SLC25A18: variants seen among roughly 807,000 people sequenced by gnomAD.
The protein encoded by SLC25A18 is mitochondrial glutamate carrier 2.
SLC25A18 carries 24 observed loss-of-function variants against 31.1 expected under a neutral mutation model. That is an observed-to-expected ratio of 0.77 (90% CI 0.56 to 1.08). The LOEUF (loss-of-function observed/expected upper bound fraction) is 1.08. Among genes scored for constraint, SLC25A18 ranks in the 50% least tolerant of loss-of-function variants. SLC25A18 has a pLI of 0.00. For missense variants in SLC25A18, 371 were observed against 418.5 expected, an observed-to-expected ratio of 0.89 and a Z score of 0.99; for synonymous variants, 173 against 161.9, an observed-to-expected ratio of 1.07 and a Z score of -0.52.
intron 7 of SLC25A18, among the ~76,000 whole-genome samples, chr22:17,584,446 G>GGAAAGA (rs1205165235): frequency 2.6e-5 from 3 of 116,824 alleles, no homozygotes; most frequent in African/African-American, 1.0e-4. Flanking sequence ...AAGGAAGGAA[G>GGAAAGA]GAGAGAGAGA....
chr22:17,564,109 G>A (rs566976301), intron 1 of SLC25A18, among the ~76,000 whole-genome samples: 4 of 152,246 alleles, frequency 2.6e-5, no homozygotes, highest in African/African-American at 4.8e-5. Context: ...ACTCTAAGAC[G>A]AAGACTGTGT....
intron 1 of SLC25A18, among the ~76,000 whole-genome samples, chr22:17,565,736 G>T (rs2056919996): frequency 6.6e-6 from 1 of 152,076 alleles, no homozygotes; most frequent in Non-Finnish European, 1.5e-5. Context: ...GCATGATGGG[G>T]CATGCCTGTA....
chr22:17,581,580 T>C (rs2057375285), intron 5 of SLC25A18, 167 bp downstream of exon 5: 3 of 706,484 alleles, frequency 4.2e-6, no homozygotes, highest in East Asian at 2.7e-5. Context: ...CTCTGGGTCC[T>C]GGTAAGGCTT....
chr22:17,575,374 T>C (rs1405029266), intron 2 of SLC25A18, among the ~76,000 whole-genome samples: 1 of 152,202 alleles, frequency 6.6e-6, no homozygotes, highest in African/African-American at 2.4e-5. Flanking sequence ...GAGACCCTTT[T>C]TGTGGTCAAG....
At position 17,581,033 on chromosome 22, in the gene SLC25A18, C is replaced by A; in HGVS notation, c.21-4C>A. Reference sequence around the variant, plus strand: ...CTCCTCCCCCTGTCCTCCCCCTGTCCTAGCATCACAGCCAAACTCATCAAT... The same window carrying A: ...CTCCTCCCCCTGTCCTCCCCCTGTCATAGCATCACAGCCAAACTCATCAAT... On this transcript the variant is annotated splice_polypyrimidine_tract_variant and splice_region_variant and intron_variant, in intron 3 of 10. Transcript: ENST00000327451. The A allele has an allele frequency of 6.5e-7, 1 of 1,547,976 alleles. No homozygotes were observed. The highest frequency in any genetic ancestry group is 8.7e-7 in the Non-Finnish European group (1 of 1,144,726).
At chr22:17,573,765 G>A in intron 2 of SLC25A18, among the ~76,000 whole-genome samples, 1 of 152,036 alleles carries the variant, frequency 6.6e-6, no homozygotes, top group Admixed American at 6.6e-5. Context: ...AGTCACCAAG[G>A]CTCTCTACAA....
At chr22:17,586,100 A>G (rs2057542600) in intron 7 of SLC25A18, among the ~76,000 whole-genome samples, 1 of 152,218 alleles carries the variant, frequency 6.6e-6, no homozygotes, top group Admixed American at 6.5e-5. Flanking sequence ...TTGGAGGACG[A>G]GCAGGAGGAG....
rs971296548 is a variant in SLC25A18, at chr22:17,587,363, C to A, written c.575+62C>A. The A allele has an allele frequency of 4.3e-5, 66 of 1,529,702 alleles. 1 individual carries two copies. In the African/African-American group the frequency reaches 7.3e-4, roughly 17 times the overall value. The allele number at this position is 1,529,702 out of a possible 1,614,324, so 94.8% of individuals were successfully genotyped here. A position where few individuals can be genotyped will look rare whatever the true frequency, so the allele number is the denominator to read the frequency against. On this transcript the variant is annotated intron_variant, in intron 8 of 10. Coordinates refer to ENST00000327451, the MANE Select transcript of SLC25A18 (RefSeq NM_031481.3). The stretch of plus-strand genomic sequence containing the variant: ...GGGGGAGGGCACGAGGGCCAGAGAG[C>A]TGGTTGTCCCTATCTGCCTCTGTGT...
chr22:17,590,065 A>G (rs1210794436), intron 10 of SLC25A18, 30 bp from the exon 11 acceptor site: 1 of 1,612,862 alleles, frequency 6.2e-7, no homozygotes, highest in Non-Finnish European at 8.5e-7. Flanking sequence ...GCCCCTGCCC[A>G]TCAGCTCACT....
chr22:17,583,564 C>G (rs767012834), intron 7 of SLC25A18, 30 bp downstream of exon 7: 2 of 1,608,514 alleles, frequency 1.2e-6, no homozygotes, highest in Non-Finnish European at 1.7e-6. Flanking sequence ...CCTATGGGAA[C>G]AGTAAAGGGC....
intron 2 of SLC25A18, among the ~76,000 whole-genome samples, chr22:17,574,538 A>G (rs1170257178): frequency 2.8e-5 from 4 of 142,200 alleles, no homozygotes; most frequent in African/African-American, 1.1e-4. Context: ...TTTTTTTGAG[A>G]TGGAGTCTTG....
At chr22:17,563,770 A>T in intron 1 of SLC25A18, 57 bp downstream of exon 1, 1 of 957,412 alleles carries the variant, frequency 1.0e-6, no homozygotes, top group Non-Finnish European at 1.2e-6. Flanking sequence ...TTACTAAGAA[A>T]CCAAAAGGGG....
At chr22:17,580,104 C>T in intron 3 of SLC25A18, 140 bp downstream of exon 3, 2 of 704,578 alleles carry the variant, frequency 2.8e-6, no homozygotes, top group Non-Finnish European at 4.8e-6. Flanking sequence ...ATAACATATA[C>T]ACTACATCTA....
chr22:17,588,102 C>T (rs1409784766), intron 9 of SLC25A18, 23 bp downstream of exon 9: 1 of 1,613,418 alleles, frequency 6.2e-7, no homozygotes, highest in South Asian at 1.1e-5. Context: ...GAGACGTGTC[C>T]TTTCTATGGG....
At chr22:17,573,224 C>T (rs1250747239) in intron 2 of SLC25A18, among the ~76,000 whole-genome samples, 3 of 152,158 alleles carry the variant, frequency 2.0e-5, no homozygotes, top group Admixed American at 6.6e-5. Flanking sequence ...CCTGTTAGCT[C>T]ATTATTTTCT....
At position 17,563,682 on chromosome 22, in the gene SLC25A18, T is replaced by G; in HGVS notation, c.-295T>G. 2.0e-6 allele frequency: 2 copies of G among 985,362 alleles called. No homozygotes were observed. Among genetic ancestry groups the G allele is most frequent in the Non-Finnish European group, 2.4e-6 (2 of 829,914 alleles). The allele number at this position is 985,362 out of a possible 1,614,324, so 61.0% of individuals were successfully genotyped here. ...CCCGTGAGTGCCTCAACAACTGAGATGAACGTCGACTCGCTTGCAGGCAAG... is the reference window on the plus strand; with the variant it reads ...CCCGTGAGTGCCTCAACAACTGAGAGGAACGTCGACTCGCTTGCAGGCAAG... On this transcript the variant is annotated 5_prime_UTR_variant, in exon 1 of 11. The change abolishes an upstream ATG in the 5' untranslated region. Coordinates refer to ENST00000327451, the MANE Select transcript of SLC25A18 (RefSeq NM_031481.3).
At chr22:17,584,422 A>AGAAAGAAG (rs201926051) in intron 7 of SLC25A18, among the ~76,000 whole-genome samples, 2 of 134,066 alleles carry the variant, frequency 1.5e-5, no homozygotes, top group South Asian at 2.2e-4. Flanking sequence ...AAAGAAAGAA[A>AGAAAGAAG]GAAGGAAGGA....
At chr22:17,579,721 A>G in intron 2 of SLC25A18, 24 bp from the exon 3 acceptor site, 1 of 1,368,378 alleles carries the variant, frequency 7.3e-7, no homozygotes, top group South Asian at 1.9e-5. Flanking sequence ...CTGTGAGGTG[A>G]GTGTTTCTCT....
chr22:17,580,040 G>A, intron 3 of SLC25A18, 76 bp downstream of exon 3: 1 of 1,448,824 alleles, frequency 6.9e-7, no homozygotes, highest in Non-Finnish European at 9.5e-7. Flanking sequence ...AGCACATCCA[G>A]GTTTCTGAAG....
Sources: gnomAD v4.1 joint callset for allele counts (sites outside exome capture counted in the v4.1 genomes callset) on GRCh38, gnomAD v4.1.1 for gene constraint, MANE v1.5 for transcripts, NCBI Gene and HGNC (gene_info 2026-07-23, HGNC 2026-07-21) for gene names.